The following PTPRD variants were observed in gnomAD, a reference collection of about 807,000 sequenced individuals.
The protein encoded by PTPRD is receptor-type tyrosine-protein phosphatase delta.
In PTPRD, 34 loss-of-function variants were observed where a neutral mutation model predicts 214.5. The ratio of observed to expected loss-of-function variants is 0.16; its 90% confidence interval spans 0.12 to 0.21. The LOEUF is 0.21. PTPRD is among the 10% of genes least tolerant of loss of function. PTPRD has a pLI of 1.00. For synonymous variants in PTPRD, 1,128 were observed against 845.7 expected, an observed-to-expected ratio of 1.33 and a Z score of -5.79; for missense variants, 2,545 against 2,398.7, an observed-to-expected ratio of 1.06 and a Z score of -1.27.
chr9:10,227,615 C>T (rs1052738446), intron 3 of PTPRD, among the ~76,000 whole-genome samples: 1 of 151,924 alleles, frequency 6.6e-6, no homozygotes, highest in African/African-American at 2.4e-5. Context: ...GTGCATTTTT[C>T]ATCCATCCTT....
At chr9:10,220,796 G>C (rs932585070) in intron 3 of PTPRD, among the ~76,000 whole-genome samples, 1 of 151,626 alleles carries the variant, frequency 6.6e-6, no homozygotes, top group Non-Finnish European at 1.5e-5. Context: ...TCTGATATGA[G>C]TTTTCCTTTT....
At chr9:10,466,451 C>T (rs1414466388) in intron 2 of PTPRD, among the ~76,000 whole-genome samples, 1 of 151,794 alleles carries the variant, frequency 6.6e-6, no homozygotes, top group Non-Finnish European at 1.5e-5. Context: ...TGAAGAAACC[C>T]TGTTTCTACT....
At position 9,512,870 on chromosome 9, in the gene PTPRD, GA is replaced by G. The variant is rs34170938; in HGVS notation, c.-237+61861del. 7.7e-4 allele frequency among the ~76,000 whole-genome samples: 112 copies of G among 145,866 alleles called. 1 individual carries two copies. The highest frequency in any genetic ancestry group is 1.9e-3 in the South Asian group (9 of 4,680). On this transcript the variant is annotated intron_variant, in intron 8 of 45. Transcript: ENST00000381196. Reference sequence around the variant, plus strand: ...CAGATCTTTTGCCTTCTATGGTGATGAAAAAAAAAAACACAATAATAATCAC... The same window carrying G: ...CAGATCTTTTGCCTTCTATGGTGATGAAAAAAAAAACACAATAATAATCAC...
intron 4 of PTPRD, among the ~76,000 whole-genome samples, chr9:9,949,668 A>T (rs987904676): frequency 1.3e-5 from 2 of 152,036 alleles, no homozygotes; most frequent in African/African-American, 2.4e-5. Flanking sequence ...TTCATTGGAA[A>T]CTCTGGCAAA....
intron 31 of PTPRD, 62 bp from the exon 32 acceptor site, chr9:8,465,737 T>G (rs1016821392): frequency 2.6e-5 from 36 of 1,409,124 alleles, no homozygotes; most frequent in Non-Finnish European, 3.5e-5. Context: ...TTATTGATAA[T>G]TTAATGAGAT....
At chr9:10,280,457 G>T (rs537528237) in intron 3 of PTPRD, among the ~76,000 whole-genome samples, 9 of 152,092 alleles carry the variant, frequency 5.9e-5, no homozygotes, top group Admixed American at 1.3e-4. Context: ...AATGATTAGA[G>T]TAATAAAGAT....
intron 8 of PTPRD, among the ~76,000 whole-genome samples, chr9:9,573,764 T>C (rs978652284): frequency 6.6e-6 from 1 of 151,862 alleles, no homozygotes; most frequent in African/African-American, 2.4e-5. Flanking sequence ...TTTCCTCCTA[T>C]ATGACACTTG....
chr9:10,584,999 C>T (rs929023854), intron 2 of PTPRD, among the ~76,000 whole-genome samples: 2 of 152,072 alleles, frequency 1.3e-5, no homozygotes, highest in African/African-American at 4.8e-5. Flanking sequence ...CGATAAATAA[C>T]TGATGATGAC....
At chr9:10,369,732 G>C (rs2097576910) in intron 2 of PTPRD, among the ~76,000 whole-genome samples, 1 of 152,008 alleles carries the variant, frequency 6.6e-6, no homozygotes, top group South Asian at 2.1e-4. Context: ...TTCTGGATCA[G>C]ACAGTAAGTC....
chr9:9,196,329 T>G (rs2132077895), intron 9 of PTPRD, among the ~76,000 whole-genome samples: 1 of 152,346 alleles, frequency 6.6e-6, no homozygotes, highest in Non-Finnish European at 1.5e-5. Context: ...GATCATTTTA[T>G]ATGTATTAAA....
chr9:8,618,841 T>C (rs2095700969), intron 14 of PTPRD, among the ~76,000 whole-genome samples: 1 of 149,398 alleles, frequency 6.7e-6, no homozygotes, highest in South Asian at 2.1e-4. Flanking sequence ...AGACTACAGG[T>C]GCATGCCACC....
intron 3 of PTPRD, among the ~76,000 whole-genome samples, chr9:10,205,367 C>CTTTATTTTAT (rs199568529): frequency 5.7e-4 from 84 of 148,172 alleles, no homozygotes; most frequent in African/African-American, 1.4e-3. Flanking sequence ...TCTTCTTCTT[C>CTTTATTTTAT]TTTATTTTAT....
chr9:9,091,314 A>T (rs324467), intron 10 of PTPRD: 220,507 of 952,304 alleles, frequency 0.23, 25,716 homozygotes, highest in African/African-American at 0.26. Context: ...ATTGTACTTT[A>T]AAAAAAAAAT....
chr9:9,183,074 A>G (rs1231259091), intron 10 of PTPRD, among the ~76,000 whole-genome samples: 2 of 152,078 alleles, frequency 1.3e-5, no homozygotes, highest in Admixed American at 6.6e-5. Flanking sequence ...ACTGAAAAAT[A>G]AATCTCTCAT....
intron 9 of PTPRD, among the ~76,000 whole-genome samples, chr9:9,244,507 G>T (rs1397644797): frequency 6.6e-6 from 1 of 152,054 alleles, no homozygotes; most frequent in African/African-American, 2.4e-5. Context: ...TCTGATCTTT[G>T]ACAAACCTGA....
intron 3 of PTPRD, among the ~76,000 whole-genome samples, chr9:10,123,404 G>A (rs1462435994): frequency 6.6e-6 from 1 of 152,184 alleles, no homozygotes; most frequent in Non-Finnish European, 1.5e-5. Flanking sequence ...TCTCTATGAA[G>A]TCTTGAATTA....
chr9:10,031,370 C>A (rs576040713), intron 4 of PTPRD, among the ~76,000 whole-genome samples: 1 of 151,768 alleles, frequency 6.6e-6, no homozygotes, highest in Non-Finnish European at 1.5e-5. Flanking sequence ...GGAAGGCAGA[C>A]CCACCCTTAA....
At chr9:9,993,032 A>G (rs2096002517) in intron 4 of PTPRD, among the ~76,000 whole-genome samples, 1 of 152,180 alleles carries the variant, frequency 6.6e-6, no homozygotes, top group South Asian at 2.1e-4. Flanking sequence ...TTTCATAAAT[A>G]GTTGTTGGTT....
intron 3 of PTPRD, among the ~76,000 whole-genome samples, chr9:10,159,371 T>G (rs2099113265): frequency 6.6e-6 from 1 of 151,012 alleles, no homozygotes; most frequent in Non-Finnish European, 1.5e-5. Context: ...ATATTGCAAA[T>G]ATATCTAAGC....
Sources: gnomAD v4.1 joint callset for allele counts (sites outside exome capture counted in the v4.1 genomes callset) on GRCh38, gnomAD v4.1.1 for gene constraint, MANE v1.5 for transcripts, NCBI Gene and HGNC (gene_info 2026-07-23, HGNC 2026-07-21) for gene names.